The following PBRM1 variants were observed in gnomAD, a reference collection of about 807,000 sequenced individuals.
PBRM1 encodes the protein polybromo 1.
Under a neutral mutation model 194.5 loss-of-function variants are expected in PBRM1, and 27 were observed. The ratio of observed to expected loss-of-function variants is 0.14; its 90% CI spans 0.10 to 0.19. The LOEUF (loss-of-function observed/expected upper bound fraction) is 0.19, where lower values mean the gene tolerates loss of function less well. Among genes scored for constraint, PBRM1 ranks in the 10% least tolerant of loss-of-function variants. The pLI is 1.00. For missense variants in PBRM1, 1,466 were observed against 2,077.2 expected (o/e 0.71, Z 5.72); for synonymous variants, 655 against 693.2 (o/e 0.94, Z 0.87).
At chr3:52,561,388 T>A (rs1440546370) in intron 25 of PBRM1, among the ~76,000 whole-genome samples, 3 of 152,228 alleles carry the variant, frequency 2.0e-5, no homozygotes, top group Non-Finnish European at 4.4e-5. Flanking sequence ...ACAAGATCAC[T>A]GATTTTAAGA....
At chr3:52,615,353 A>G (rs780848542) in exon 15 of PBRM1, 40 of 1,585,010 alleles carry the variant, frequency 2.5e-5, no homozygotes, top group Non-Finnish European at 3.4e-5. Flanking sequence ...TGCCTTACTC[A>G]GCTTGAGTTT....
upstream of PBRM1, among the ~76,000 whole-genome samples, chr3:52,680,738 A>C (rs1578404295): frequency 6.6e-6 from 1 of 151,124 alleles, no homozygotes; most frequent in Admixed American, 6.6e-5. Context: ...GCTCACTGCA[A>C]CCTCCCTCCA....
chr3:52,659,677 C>T (rs559130369), intron 4 of PBRM1, among the ~76,000 whole-genome samples: 1 of 152,230 alleles, frequency 6.6e-6, no homozygotes, highest in Admixed American at 6.5e-5. Flanking sequence ...CCAGTCTCAG[C>T]TTCCTAAAGT....
At chr3:52,575,860 T>G (rs991448509) in intron 22 of PBRM1, among the ~76,000 whole-genome samples, 4 of 151,986 alleles carry the variant, frequency 2.6e-5, no homozygotes, top group African/African-American at 9.7e-5. Flanking sequence ...AGGAAACCAG[T>G]AAAATGTCAT....
chr3:52,575,508 C>CTTTTTTTTTTTTTTTT (rs1177139118), intron 22 of PBRM1, among the ~76,000 whole-genome samples: 3 of 87,138 alleles, frequency 3.4e-5, no homozygotes, highest in Non-Finnish European at 2.2e-5. Flanking sequence ...AATCAATTGT[C>CTTTTTTTTTTTTTTTT]TTTTTTTTTT....
At chr3:52,685,792 G>C (rs1430645816) in exon 1 of PBRM1, 1 of 267,420 alleles carries the variant, frequency 3.7e-6, no homozygotes, top group Non-Finnish European at 6.9e-6. Flanking sequence ...GTCACCGACC[G>C]CCGCGCCCCG....
intron 4 of PBRM1, among the ~76,000 whole-genome samples, chr3:52,661,143 A>G (rs990575553): frequency 4.6e-5 from 7 of 152,098 alleles, no homozygotes; most frequent in Non-Finnish European, 7.4e-5. Context: ...ATCCTGCCTC[A>G]GCCTCCAGAG....
At chr3:52,678,311 T>A (rs556956694) in intron 2 of PBRM1, among the ~76,000 whole-genome samples, 189 bp downstream of exon 3, 1 of 152,306 alleles carries the variant, frequency 6.6e-6, no homozygotes, top group East Asian at 1.9e-4. Context: ...TTACTGTGCC[T>A]GGCTCAACAG....
intron 17 of PBRM1, among the ~76,000 whole-genome samples, chr3:52,593,152 G>A (rs2093257242): frequency 6.6e-6 from 1 of 152,008 alleles, no homozygotes; most frequent in Non-Finnish European, 1.5e-5. Flanking sequence ...GTCTCCTTCA[G>A]TTTTCAGCTC....
At chr3:52,612,292 A>G (rs1269454082) in intron 15 of PBRM1, among the ~76,000 whole-genome samples, 1 of 150,714 alleles carries the variant, frequency 6.6e-6, no homozygotes, top group East Asian at 1.9e-4. Flanking sequence ...AGAGGTATCA[A>G]TCAGTTGCAG....
intron 17 of PBRM1, 94 bp downstream of exon 19, chr3:52,603,427 T>A (rs1295547529): frequency 1.5e-6 from 2 of 1,317,416 alleles, no homozygotes; most frequent in Admixed American, 2.5e-5. Flanking sequence ...TGAGTTTTCA[T>A]TCATACAAAC....
chr3:52,546,788 G>A (rs1229354922), downstream of PBRM1: 1 of 233,144 alleles, frequency 4.3e-6, no homozygotes, highest in Non-Finnish European at 8.5e-6. Flanking sequence ...CCAAACCCAA[G>A]TGTTTGGGAT....
chr3:52,596,195 T>G (rs1431574778), intron 17 of PBRM1, among the ~76,000 whole-genome samples: 3 of 151,824 alleles, frequency 2.0e-5, no homozygotes, highest in Non-Finnish European at 4.4e-5. Flanking sequence ...ATCCCAGCAC[T>G]TTGGGAGGCC....
chr3:52,599,018 CAAAAAAAAAA>C lies in PBRM1; in HGVS notation c.2779+4493_2779+4502del, dbSNP rs59170143. Among the ~76,000 whole-genome samples the C allele has an allele frequency of 3.5e-3, 404 of 114,356 alleles. 2 individuals are homozygous for C. Among genetic ancestry groups the C allele is most frequent in the East Asian group, 0.026 (106 of 4,038 alleles). 75.0% of individuals were successfully genotyped at this position (114,356 alleles called of 152,430 possible). The stretch of plus-strand genomic sequence containing the variant: ...GCCTCAGCAACAGTGCCAGATATCT[CAAAAAAAAAA>C]AAAAAAAAAAAAAAATTAGGCAGGT... On this transcript the variant is annotated intron_variant, in intron 17 of 29. Coordinates refer to ENST00000296302, the Ensembl canonical transcript of PBRM1.
intron 10 of PBRM1, among the ~76,000 whole-genome samples, chr3:52,641,165 A>C (rs1164296914): frequency 1.3e-5 from 2 of 152,096 alleles, no homozygotes; most frequent in East Asian, 3.9e-4. Flanking sequence ...GTAACATTCA[A>C]TAATAAAATT....
Position 52,609,552 on chromosome 3 carries a change from C to T in PBRM1, c.2328G>A (p.Leu776=), listed in dbSNP as rs2153420695. 6.2e-7 allele frequency: 1 copy of T among 1,613,912 alleles called. No individual in the cohort carries two copies. Among genetic ancestry groups the T allele is most frequent in the Non-Finnish European group, 8.5e-7 (1 of 1,179,862 alleles). ...GATTGTGGATAAGCTCTTGAATCAG[C>T]AAAGTCACATTTGGGACATGAGAGT... The change falls in exon 16 of 30, where the codon TTG becomes TTA. Residue 776 remains leucine (L), a synonymous_variant. Transcript: ENST00000296302. This position sits in a 1 kb window ranked among gnomAD's most constrained non-coding sequence, Gnocchi z 4.1.
chr3:52,673,029 C>A (rs1274949142), intron 2 of PBRM1, among the ~76,000 whole-genome samples: 2 of 151,548 alleles, frequency 1.3e-5, no homozygotes, highest in Non-Finnish European at 2.9e-5. Flanking sequence ...CTCTTATTGT[C>A]CAGGCTGGAG....
chr3:52,637,053 G>A (rs2095851144), intron 10 of PBRM1, among the ~76,000 whole-genome samples: 2 of 152,088 alleles, frequency 1.3e-5, no homozygotes, highest in Admixed American at 1.3e-4. Context: ...GAGTCATGGA[G>A]CTAGAAGCAG....
intron 20 of PBRM1, among the ~76,000 whole-genome samples, chr3:52,584,892 T>C (rs1255801680): frequency 4.6e-5 from 7 of 152,164 alleles, no homozygotes; most frequent in Admixed American, 3.9e-4. Context: ...ATTTGTTTTA[T>C]AGGCTTCAGG....
Sources: gnomAD v4.1 joint callset for allele counts (sites outside exome capture counted in the v4.1 genomes callset) on GRCh38, gnomAD v4.1.1 for gene constraint, Gnocchi (gnomAD v3.1) non-coding constraint, MANE v1.5 for transcripts, NCBI Gene and HGNC (gene_info 2026-07-23, HGNC 2026-07-21) for gene names.